SLAMF6: variants seen among roughly 807,000 people sequenced by gnomAD.
The protein encoded by SLAMF6 is SLAM family member 6.
In SLAMF6, 21 loss-of-function variants were observed where a neutral mutation model predicts 38.3. That is an observed-to-expected ratio of 0.55 (90% CI 0.39 to 0.79). The LOEUF (loss-of-function observed/expected upper bound fraction) is 0.79, where lower values mean the gene tolerates loss of function less well. SLAMF6 is among the 30% of genes least tolerant of loss of function. The probability of loss-of-function intolerance (pLI) is 0.00; values close to 1 mark genes in which losing one functional copy is unlikely to be tolerated. For synonymous variants in SLAMF6, 152 were observed against 146.3 expected, an observed-to-expected ratio of 1.04 and a Z score of -0.28; for missense variants, 341 against 385.3, an observed-to-expected ratio of 0.89 and a Z score of 0.96.
chr1:160,490,433 TCTCAGTGGA>T, intron 4 of SLAMF6, 133 bp downstream of exon 4: 2 of 1,297,906 alleles, frequency 1.5e-6, no homozygotes. Flanking sequence ...CCAGGGATTA[TCTCAGTGGA>T]CTAGCTGAGC....
At chr1:160,506,301 C>T (rs1654186697) in intron 1 of SLAMF6, among the ~76,000 whole-genome samples, 1 of 151,908 alleles carries the variant, frequency 6.6e-6, no homozygotes, top group African/African-American at 2.4e-5. Context: ...AAGTCATGCT[C>T]AATAAAATCA....
intron 1 of SLAMF6, among the ~76,000 whole-genome samples, chr1:160,519,673 A>G (rs1339103481): frequency 2.0e-5 from 3 of 152,132 alleles, no homozygotes; most frequent in African/African-American, 7.2e-5. Flanking sequence ...ACATGATGCT[A>G]AGTGAAAGAA....
At chr1:160,490,324 G>A in intron 4 of SLAMF6, 88 bp from the exon 5 acceptor site, 1 of 1,594,656 alleles carries the variant, frequency 6.3e-7, no homozygotes, top group Non-Finnish European at 8.6e-7. Context: ...GGATGTGGTG[G>A]GAGGGGACCC....
At chr1:160,493,029 T>C (rs1653386471) in intron 2 of SLAMF6, among the ~76,000 whole-genome samples, 1 of 152,236 alleles carries the variant, frequency 6.6e-6, no homozygotes, top group Non-Finnish European at 1.5e-5. Flanking sequence ...AGGAATCCTT[T>C]AGACAAGTAA....
At chr1:160,515,551 C>T (rs1654698389) in intron 1 of SLAMF6, among the ~76,000 whole-genome samples, 1 of 151,938 alleles carries the variant, frequency 6.6e-6, no homozygotes, top group Non-Finnish European at 1.5e-5. Flanking sequence ...AGAGATACAA[C>T]AAAAAAGAAA....
chr1:160,506,445 A>T (rs1202464209), intron 1 of SLAMF6, among the ~76,000 whole-genome samples: 4 of 152,226 alleles, frequency 2.6e-5, no homozygotes, highest in Non-Finnish European at 5.9e-5. Context: ...AAAATGAAGG[A>T]GAAGTTAAGA....
intron 1 of SLAMF6, among the ~76,000 whole-genome samples, chr1:160,502,029 C>T (rs933998382): frequency 1.3e-5 from 2 of 152,142 alleles, no homozygotes; most frequent in African/African-American, 4.8e-5. Flanking sequence ...CTGCATGAGA[C>T]TTTGGACAGG....
chr1:160,489,565 C>A (rs1318043668), intron 5 of SLAMF6, among the ~76,000 whole-genome samples: 2 of 152,098 alleles, frequency 1.3e-5, no homozygotes, highest in Non-Finnish European at 2.9e-5. Flanking sequence ...GTCTCTACAG[C>A]GGATTTGATT....
Position 160,496,164 on chromosome 1 carries a change from G to T in SLAMF6, c.279C>A (p.Ser93=), listed in dbSNP as rs746494910. ...GKRLNFTQSY[S]LQLSNLKMED... ...CCATCTTCAGGTTGCTGAGTTGCAG[G>T]GAGTAGGACTGGGTGAAGTTCAGTC... is the stretch of plus-strand genomic sequence containing the variant. The change falls in exon 2 of 8, where the codon TCC becomes TCA. Residue 93 remains serine (S), a synonymous_variant. Transcript: ENST00000368057. The T allele has an allele frequency of 6.2e-7, 1 of 1,613,944 alleles. No individual in the cohort carries two copies. The highest frequency in any genetic ancestry group is 1.7e-5 in the Admixed American group (1 of 59,962).
rs923567260 is a variant in SLAMF6 at position 160,485,731 on chromosome 1, C to T, written c.*976G>A. 1.3e-5 allele frequency: 2 copies of T among 152,616 alleles called. No individual in the cohort carries two copies. Among genetic ancestry groups the T allele is most frequent in the Non-Finnish European group, 2.9e-5 (2 of 68,070 alleles). The allele number at this position is 152,616 out of a possible 1,614,324, so 9.5% of individuals were successfully genotyped here. ...AGAGTGGGTTGGAGAGGGACAAGAA[C>T]AAAAGTGAGGACAACTGTTCTGATC... On this transcript the variant is annotated 3_prime_UTR_variant, in exon 8 of 8. Coordinates refer to ENST00000368057, the MANE Select transcript of SLAMF6 (RefSeq NM_001184714.2).
At chr1:160,490,530 A>T in intron 4 of SLAMF6, 45 bp downstream of exon 4, 1 of 1,600,006 alleles carries the variant, frequency 6.2e-7, no homozygotes. Context: ...ACTCTCAATC[A>T]CTGGAACCTT....
chr1:160,490,838 C>T (rs1413576507), intron 3 of SLAMF6, 153 bp from the exon 4 acceptor site: 47 of 768,756 alleles, frequency 6.1e-5, no homozygotes, highest in Non-Finnish European at 7.3e-5. Flanking sequence ...ATGTGGCAGG[C>T]AGGGGAGGGT....
intron 1 of SLAMF6, among the ~76,000 whole-genome samples, chr1:160,521,505 A>C (rs1175468328): frequency 6.6e-6 from 1 of 152,078 alleles, no homozygotes; most frequent in African/African-American, 2.4e-5. Context: ...TGAAGCAAAA[A>C]CTCAAGATTC....
chr1:160,491,164 T>C lies in SLAMF6; in HGVS notation c.607A>G (p.Asn203Asp). The C allele has an allele frequency of 1.2e-6, 2 of 1,614,044 alleles. No individual in the cohort carries two copies. Among genetic ancestry groups the C allele is most frequent in the South Asian group, 1.1e-5 (1 of 91,082 alleles). The change falls in exon 3 of 8, where the codon AAT (asparagine) becomes GAT (aspartate). Residue 203 changes from asparagine (N) to aspartate (D), a missense_variant. By Grantham distance (23) the Asn-to-Asp change is conservative (BLOSUM62 1). Coordinates refer to ENST00000368057, the MANE Select transcript of SLAMF6 (RefSeq NM_001184714.2). ...TGGGCAGAGACAGAGAAGGATAAAT[T>C]ACTGACAGCATTCTCTGCTATGCAG... ...YTCIAENAVS[N>D]LSFSVSAQKL...
At chr1:160,500,160 T>C (rs1653807923) in intron 1 of SLAMF6, among the ~76,000 whole-genome samples, 1 of 152,240 alleles carries the variant, frequency 6.6e-6, no homozygotes, top group Non-Finnish European at 1.5e-5. Flanking sequence ...TACACAGATT[T>C]GTTCATTTTA....
intron 1 of SLAMF6, among the ~76,000 whole-genome samples, chr1:160,512,053 G>A (rs1654499471): frequency 1.3e-5 from 2 of 152,170 alleles, no homozygotes; most frequent in African/African-American, 4.8e-5. Flanking sequence ...TGGATCCCAA[G>A]CACAGAGCTG....
Position 160,486,491 on chromosome 1 carries a change from A to G in SLAMF6, c.*216T>C. 1.9e-6 allele frequency: 1 copy of G among 530,172 alleles called. No individual in the cohort carries two copies. Among genetic ancestry groups the G allele is most frequent in the Non-Finnish European group, 3.4e-6 (1 of 296,732 alleles). The allele number at this position is 530,172 out of a possible 1,614,324, so 32.8% of individuals were successfully genotyped here. ...TGTTTTGGCCTGAAGTGGATTGGAA[A>G]ATATTATTTGAACCACATGCTGGAA... is the stretch of plus-strand genomic sequence containing the variant. On this transcript the variant is annotated 3_prime_UTR_variant, in exon 8 of 8. Transcript: ENST00000368057.
At chr1:160,487,402 A>G (rs1653023148) in intron 6 of SLAMF6, among the ~76,000 whole-genome samples, 1 of 152,198 alleles carries the variant, frequency 6.6e-6, no homozygotes. Flanking sequence ...GCAGCAAACC[A>G]ATGGGCTCAA....
At chr1:160,503,912 T>C (rs1257934823) in intron 1 of SLAMF6, among the ~76,000 whole-genome samples, 7 of 150,420 alleles carry the variant, frequency 4.7e-5, no homozygotes, top group Middle Eastern at 3.4e-3. Flanking sequence ...AACATGCCTG[T>C]AGTCCCAGCT....
Sources: gnomAD v4.1 joint callset for allele counts (sites outside exome capture counted in the v4.1 genomes callset) on GRCh38, gnomAD v4.1.1 for gene constraint, MANE v1.5 for transcripts, NCBI Gene and HGNC (gene_info 2026-07-23, HGNC 2026-07-21) for gene names.